SLC44A5: variants seen among roughly 807,000 people sequenced by gnomAD.
SLC44A5 encodes the protein choline transporter-like protein 5.
A neutral mutation model predicts 101.8 loss-of-function variants in SLC44A5; 57 were observed. The observed-to-expected ratio is 0.56, with a 90% CI of 0.45 to 0.70. The LOEUF (loss-of-function observed/expected upper bound fraction) is 0.70, where lower values mean the gene tolerates loss of function less well. Ranked by LOEUF, SLC44A5 falls within the 30% of genes least tolerant of loss-of-function variation. The pLI, the probability that SLC44A5 is intolerant of heterozygous loss-of-function variation, is 0.00. For synonymous variants in SLC44A5, 281 were observed against 290.9 expected (o/e 0.97, Z 0.35); for missense variants, 737 against 853.1 (o/e 0.86, Z 1.70).
chr1:75,315,569 G>A (rs1655627900), intron 4 of SLC44A5, among the ~76,000 whole-genome samples: 1 of 151,972 alleles, frequency 6.6e-6, no homozygotes, highest in South Asian at 2.1e-4. Context: ...TCTTCCTTGT[G>A]GACTGTTCTG....
intron 1 of SLC44A5, among the ~76,000 whole-genome samples, chr1:75,583,760 C>T (rs1249252672): frequency 6.6e-6 from 1 of 152,208 alleles, no homozygotes; most frequent in African/African-American, 2.4e-5. Context: ...AGAGATGACA[C>T]TCTACCATTT....
the SLC44A5 span, among the ~76,000 whole-genome samples, chr1:75,678,095 C>G: frequency 6.6e-6 from 1 of 152,218 alleles, no homozygotes; most frequent in African/African-American, 2.4e-5. Flanking sequence ...TATCCTGCAC[C>G]TGGCTCGGAG....
At chr1:75,247,168 T>TC (rs1248569819) in intron 7 of SLC44A5, among the ~76,000 whole-genome samples, 1 of 151,956 alleles carries the variant, frequency 6.6e-6, no homozygotes, top group Non-Finnish European at 1.5e-5. Context: ...AGGTGATGGC[T>TC]CCTTGAACTA....
chr1:75,595,040 A>G (rs1674557895), intron 1 of SLC44A5, among the ~76,000 whole-genome samples: 1 of 152,056 alleles, frequency 6.6e-6, no homozygotes. Context: ...TCAATAAATT[A>G]CTTTTTGTTA....
chr1:75,531,478 T>C (rs1490213950), intron 2 of SLC44A5, among the ~76,000 whole-genome samples: 2 of 152,144 alleles, frequency 1.3e-5, no homozygotes, highest in Non-Finnish European at 2.9e-5. Flanking sequence ...CCATTTGATG[T>C]CCTAAAGCTG....
chr1:75,464,424 C>CA (rs142614139), intron 2 of SLC44A5, among the ~76,000 whole-genome samples: 35,492 of 151,266 alleles, frequency 0.23, 4,285 homozygotes, highest in African/African-American at 0.27. Flanking sequence ...AATGGATACA[C>CA]AAAAAATAAG....
intron 1 of SLC44A5, among the ~76,000 whole-genome samples, chr1:75,545,810 T>C (rs984941204): frequency 1.6e-5 from 2 of 123,690 alleles, no homozygotes; most frequent in Non-Finnish European, 3.2e-5. Context: ...TAATTAACCA[T>C]TCTTTTTTCT....
At chr1:75,577,213 CT>C (rs1379871149) in intron 1 of SLC44A5, among the ~76,000 whole-genome samples, 1 of 152,222 alleles carries the variant, frequency 6.6e-6, no homozygotes, top group Non-Finnish European at 1.5e-5. Flanking sequence ...ACTTGACCTC[CT>C]CTTCTAACTC....
At chr1:75,332,946 T>A (rs955298855) in intron 4 of SLC44A5, among the ~76,000 whole-genome samples, 3 of 152,186 alleles carry the variant, frequency 2.0e-5, no homozygotes, top group African/African-American at 4.8e-5. Context: ...GTTCTCATAT[T>A]TGCTTCTTGT....
intron 12 of SLC44A5, among the ~76,000 whole-genome samples, chr1:75,231,518 A>G (rs1647572100): frequency 2.0e-5 from 3 of 152,164 alleles, no homozygotes; most frequent in South Asian, 4.1e-4. Flanking sequence ...CTTGTCCTAG[A>G]TTTTTAAAAA....
the SLC44A5 span, chr1:75,709,947 C>A: frequency 6.6e-6 from 1 of 152,298 alleles, no homozygotes; most frequent in South Asian, 2.1e-4. Flanking sequence ...ATTAGTGATA[C>A]TCAAACATGA....
chr1:75,458,588 T>A (rs1172153610), intron 2 of SLC44A5, among the ~76,000 whole-genome samples: 1 of 152,014 alleles, frequency 6.6e-6, no homozygotes, highest in Non-Finnish European at 1.5e-5. Context: ...GTGATGGAGA[T>A]AAACTTGAGA....
the SLC44A5 span, among the ~76,000 whole-genome samples, chr1:75,721,443 G>C: frequency 5.3e-5 from 8 of 152,186 alleles, no homozygotes; most frequent in African/African-American, 1.9e-4. Context: ...GTTAACATTA[G>C]TGTTAGTGTA....
At position 75,562,370 on chromosome 1, in the gene SLC44A5, TG is replaced by T. The variant is rs769680134; in HGVS notation, c.-69-20855del. Among the ~76,000 whole-genome samples, 323 of 152,266 alleles carry T rather than the reference TG, an allele frequency of 2.1e-3. 2 individuals are homozygous for T. The highest frequency in any genetic ancestry group is 4.1e-3 in the Non-Finnish European group (279 of 68,016). On this transcript the variant is annotated intron_variant, in intron 1 of 23. Transcript: ENST00000370859. Reference sequence around the variant, plus strand: ...TTTTCTACAATTTTCTTATTATTTTTGTAAGTGAGAATTTTAAAGAAATTGC... The same window carrying T: ...TTTTCTACAATTTTCTTATTATTTTTTAAGTGAGAATTTTAAAGAAATTGC...
intron 6 of SLC44A5, among the ~76,000 whole-genome samples, chr1:75,255,665 CA>C (rs1649957661): frequency 6.6e-6 from 1 of 152,012 alleles, no homozygotes; most frequent in African/African-American, 2.4e-5. Context: ...CATAGTTCTT[CA>C]GGATTAAAGG....
At chr1:75,244,768 CAG>C in intron 7 of SLC44A5, among the ~76,000 whole-genome samples, 1 of 152,194 alleles carries the variant, frequency 6.6e-6, no homozygotes, top group East Asian at 1.9e-4. Flanking sequence ...AAGGCAGAAT[CAG>C]AGGAGATACA....
chr1:75,411,745 A>T (rs1017055580), intron 2 of SLC44A5, among the ~76,000 whole-genome samples: 2 of 152,222 alleles, frequency 1.3e-5, no homozygotes, highest in East Asian at 3.9e-4. Context: ...ATAGGGACAG[A>T]TTGTTCTATA....
chr1:75,616,338 C>T, the SLC44A5 span, among the ~76,000 whole-genome samples: 5 of 151,936 alleles, frequency 3.3e-5, no homozygotes, highest in African/African-American at 4.8e-5. Context: ...GGAAAGACAA[C>T]GGTGGCGGCG....
chr1:75,240,211 T>C (rs1272128187), intron 9 of SLC44A5, among the ~76,000 whole-genome samples: 1 of 152,114 alleles, frequency 6.6e-6, no homozygotes, highest in African/African-American at 2.4e-5. Flanking sequence ...GTAAATATTT[T>C]TTGAGAGTCA....
Sources: gnomAD v4.1 joint callset for allele counts (sites outside exome capture counted in the v4.1 genomes callset) on GRCh38, gnomAD v4.1.1 for gene constraint, MANE v1.5 for transcripts, NCBI Gene and HGNC (gene_info 2026-07-23, HGNC 2026-07-21) for gene names.